LPIN3: variants seen among roughly 807,000 people sequenced by gnomAD.
LPIN3 encodes the protein phosphatidate phosphatase LPIN3.
A neutral mutation model predicts 94.7 loss-of-function variants in LPIN3; 82 were observed. The observed-to-expected ratio is 0.87, with a 90% CI of 0.72 to 1.04. The LOEUF (loss-of-function observed/expected upper bound fraction) is 1.04. Among genes scored for constraint, LPIN3 ranks in the 50% least tolerant of loss-of-function variants. The pLI is 0.00. For synonymous variants in LPIN3, 418 were observed against 443.3 expected, an observed-to-expected ratio of 0.94 and a Z score of 0.72; for missense variants, 996 against 1,090.5, an observed-to-expected ratio of 0.91 and a Z score of 1.22.
intron 11 of LPIN3, among the ~76,000 whole-genome samples, chr20:41,354,152 CCCAA>C (rs2046124557): frequency 6.6e-6 from 1 of 152,138 alleles, no homozygotes; most frequent in African/African-American, 2.4e-5. Flanking sequence ...TCAACTTGCC[CCCAA>C]CCAGACAGTT....
At chr20:41,353,936 A>T (rs1317907477) in intron 11 of LPIN3, among the ~76,000 whole-genome samples, 1 of 151,942 alleles carries the variant, frequency 6.6e-6, no homozygotes, top group Non-Finnish European at 1.5e-5. Context: ...ACCCAGACAG[A>T]CCCACCGCTT....
intron 4 of LPIN3, 36 bp downstream of exon 4, chr20:41,348,923 G>A (rs1366158382): frequency 6.3e-7 from 1 of 1,592,120 alleles, no homozygotes; most frequent in Admixed American, 1.8e-5. Flanking sequence ...CCCCAGTTTG[G>A]GGGTTCAAGT....
At chr20:41,358,415 A>G in intron 18 of LPIN3, 24 bp from the exon 19 acceptor site, 9 of 1,613,558 alleles carry the variant, frequency 5.6e-6, no homozygotes, top group South Asian at 1.1e-5. Context: ...CCTCCATTCC[A>G]TGGGCCCCTC....
In LPIN3 at chr20:41,347,569, T is replaced by A. The variant is rs1302203160; in HGVS notation, c.210T>A (p.Asn70Lys). ...ATTTGCAGGTAGACATTGAGCTCAA[T>A]GGGGAGCCTGTGGACTTGCACATGA... The part of the protein sequence containing the change: ...SREKVVDIEL[N>K]GEPVDLHMKL... Residue 70 changes from asparagine (N) to lysine (K), a missense_variant, in exon 3 of 20, where the codon AAT becomes AAA. By Grantham distance (94) the Asn-to-Lys change is moderately conservative. Transcript: ENST00000373257. The A allele has an allele frequency of 1.2e-6, 2 of 1,614,144 alleles. No individual in the cohort carries two copies. The highest frequency in any genetic ancestry group is 1.7e-6 in the Non-Finnish European group (2 of 1,180,006).
intron 14 of LPIN3, among the ~76,000 whole-genome samples, chr20:41,356,242 T>C (rs1462616455): frequency 6.6e-6 from 1 of 152,204 alleles, no homozygotes; most frequent in African/African-American, 2.4e-5. Context: ...CATTTGTCTG[T>C]CAGACACCGG....
intron 1 of LPIN3, 32 bp from the exon 2 acceptor site, chr20:41,345,764 C>A (rs1411674950): frequency 1.9e-6 from 3 of 1,584,054 alleles, no homozygotes; most frequent in East Asian, 4.5e-5. Flanking sequence ...CTGGAGCAGA[C>A]CTTTGTGCAA....
In LPIN3 at chr20:41,357,759, C is replaced by T. The variant is rs12624683; in HGVS notation, c.2040-123C>T. The T allele has an allele frequency of 0.037, 48,202 of 1,314,342 alleles. 4,774 individuals carry two copies. The East Asian group carries it at 0.42, about 11-fold the overall frequency. The allele number at this position is 1,314,342 out of a possible 1,614,324, so 81.4% of individuals were successfully genotyped here. ...ACTGCCTGGCCGTTCTCTTCAAGTC[C>T]CCTCCCTGCAAAGGTTGGAACATCA... On this transcript the variant is annotated intron_variant, in intron 16 of 19. Coordinates refer to ENST00000373257, the MANE Select transcript of LPIN3 (RefSeq NM_022896.3).
At chr20:41,356,932 AGAG>A in intron 14 of LPIN3, 105 bp from the exon 15 acceptor site, 4 of 1,273,106 alleles carry the variant, frequency 3.1e-6, no homozygotes, top group Non-Finnish European at 4.4e-6. Context: ...GCTGGGAGGA[AGAG>A]GAGAATGAGA....
chr20:41,350,150 C>T lies in LPIN3; in HGVS notation c.855C>T (p.Thr285=), dbSNP rs1204567501. 1 of 1,613,294 alleles carries T rather than the reference C, an allele frequency of 6.2e-7. No individual in the cohort carries two copies. Among genetic ancestry groups the T allele is most frequent in the South Asian group, 1.1e-5 (1 of 90,948 alleles). ...PPRGGPSTPS[T]SVAGGVDPLG... is the part of the protein sequence containing the mutation. ...GGGGAGGACCCAGCACTCCCTCTAC[C>T]TCTGTGGCTGGCGGCGTGGACCCTT... Residue 285 remains threonine (T), a synonymous_variant, in exon 7 of 20, where the codon ACC becomes ACT. Coordinates refer to ENST00000373257, the MANE Select transcript of LPIN3 (RefSeq NM_022896.3).
At chr20:41,349,031 C>T in intron 4 of LPIN3, 61 bp from the exon 5 acceptor site, 1 of 1,598,546 alleles carries the variant, frequency 6.3e-7, no homozygotes, top group Non-Finnish European at 8.6e-7. Flanking sequence ...TGTCCAGGCT[C>T]TCATGCCTGC....
chr20:41,347,587 G>A lies in LPIN3; in HGVS notation c.228G>A (p.Leu76=). The change falls in exon 3 of 20, where the codon TTG becomes TTA. Residue 76 remains leucine, a synonymous_variant. Transcript: ENST00000373257. The part of the protein sequence containing the change: ...DIELNGEPVD[L]HMKLGDSGEA... Reference sequence around the variant, plus strand: ...AGCTCAATGGGGAGCCTGTGGACTTGCACATGAAGCTTGGGGACAGCGGGG... The same window carrying A: ...AGCTCAATGGGGAGCCTGTGGACTTACACATGAAGCTTGGGGACAGCGGGG... 6.2e-7 allele frequency: 1 copy of A among 1,614,202 alleles called. No individual in the cohort carries two copies. Among genetic ancestry groups the A allele is most frequent in the South Asian group, 1.1e-5 (1 of 91,082 alleles).
At chr20:41,346,184 T>TCA (rs1166377108) in intron 2 of LPIN3, among the ~76,000 whole-genome samples, 189 bp downstream of exon 2, 1 of 152,202 alleles carries the variant, frequency 6.6e-6, no homozygotes, top group African/African-American at 2.4e-5. Context: ...CTGGGAGGGT[T>TCA]CACAGTTAGT....
intron 19 of LPIN3, 75 bp from the exon 20 acceptor site, chr20:41,358,647 T>G: frequency 6.2e-7 from 1 of 1,605,914 alleles, no homozygotes; most frequent in South Asian, 1.1e-5. Flanking sequence ...TGTCCCTTAC[T>G]CTGGGACAGA....
rs75681091 is a variant in LPIN3 at position 41,349,926 on chromosome 20, C to A, written c.759+32C>A. 2.3e-3 allele frequency: 3,716 copies of A among 1,590,136 alleles called. 86 individuals are homozygous for A. In the African/African-American group the frequency reaches 0.045, roughly 19 times the overall value. On this transcript the variant is annotated intron_variant, in intron 6 of 19. Transcript: ENST00000373257. The stretch of plus-strand genomic sequence containing the variant: ...CCCTCTGTATCAACCCCAGGCCCGG[C>A]CTTTCAGGGGCTCTGTGGCCCCCAT...
rs779051972 is a variant in LPIN3 at position 41,350,252 on chromosome 20, C to G, written c.957C>G (p.Pro319=). 8 of 1,613,852 alleles carry G rather than the reference C, an allele frequency of 5.0e-6. No individual in the cohort carries two copies. The Admixed American group carries it at 8.3e-5, about 17-fold the overall frequency. The change falls in exon 7 of 20, where the codon CCC becomes CCG. Residue 319 remains proline (P), a synonymous_variant. Transcript: ENST00000373257. ...CAGAGGATCCCACTCTAGTGGGTCC[C>G]CCTCTCCACACCCCAGAGACAGAGG... ...PDTEDPTLVG[P]PLHTPETEES...
Position 41,359,123 on chromosome 20 carries a change from C to CTT in LPIN3, c.*281_*282dup, listed in dbSNP as rs75257468. ...TTGTCATCTGGGCCCTTGCAGGGTT[C>CTT]TTTTTTTTTTTTTTTTTTTTTTTTT... On this transcript the variant is annotated 3_prime_UTR_variant, in exon 20 of 20. Transcript: ENST00000373257. The CTT allele has an allele frequency of 8.9e-3, 687 of 76,968 alleles. 14 individuals carry two copies. The highest frequency in any genetic ancestry group is 0.023 in the East Asian group (48 of 2,118). 4.8% of individuals were successfully genotyped at this position (76,968 alleles called of 1,614,324 possible).
intron 1 of LPIN3, among the ~76,000 whole-genome samples, chr20:41,343,212 G>A (rs2045652184): frequency 6.6e-6 from 1 of 152,178 alleles, no homozygotes; most frequent in Non-Finnish European, 1.5e-5. Context: ...GCTTAATAGG[G>A]CAGAAAGCTC....
rs199764930 is a variant in LPIN3 at position 41,348,737 on chromosome 20, C to T, written c.407C>T (p.Thr136Met). The T allele has an allele frequency of 7.7e-5, 124 of 1,613,596 alleles. No individual in the cohort carries two copies. The highest frequency in any genetic ancestry group is 7.5e-4 in the Admixed American group (45 of 59,934). ...CCTGAGGGCCTCGTCATGGCAGGCA[C>T]GGCCTCCACTGGGCGGAGGAAGAGG... ...SEPEGLVMAG[T>M]ASTGRRKRRR... The change falls in exon 4 of 20, where the codon ACG (threonine) becomes ATG (methionine). Residue 136 changes from threonine to methionine, a missense_variant. By Grantham distance (81) the Thr-to-Met change is moderately conservative. Transcript: ENST00000373257.
rs377243327 is a variant in LPIN3 at position 41,357,946 on chromosome 20, T to C, written c.2104T>C (p.Tyr702His). The change falls in exon 17 of 20, where the codon TAC (tyrosine) becomes CAC (histidine). Residue 702 changes from tyrosine (Y) to histidine (H), a missense_variant. By Grantham distance (83) the Tyr-to-His change is moderately conservative. Coordinates refer to ENST00000373257, the MANE Select transcript of LPIN3 (RefSeq NM_022896.3). ...AIGMADLTKG[Y>H]LQWVSEGGCS... The stretch of plus-strand genomic sequence containing the variant: ...TGGCATGGCGGACCTCACCAAGGGG[T>C]ACCTGCAGTGGGTGAGCGAGGGGGG... The C allele has an allele frequency of 7.2e-5, 117 of 1,613,848 alleles. No homozygotes were observed. The highest frequency in any genetic ancestry group is 9.7e-5 in the Non-Finnish European group (115 of 1,179,960).
Sources: allele counts gnomAD v4.1 joint callset (sites outside exome capture counted in the v4.1 genomes callset), GRCh38; gene constraint gnomAD v4.1.1; transcripts MANE v1.5; gene names NCBI Gene and HGNC (gene_info 2026-07-23, HGNC 2026-07-21).